The following FAAH2 variants were observed in gnomAD, a reference collection of about 807,000 sequenced individuals.
FAAH2 encodes the protein fatty-acid amide hydrolase 2.
In FAAH2, 60 loss-of-function variants were observed where a neutral mutation model predicts 36.9. The ratio of observed to expected loss-of-function variants is 1.63; its 90% CI spans 1.32 to 2.02. The LOEUF is 2.02. FAAH2 is among the 30% of genes most tolerant of loss of function. FAAH2 has a pLI of 0.00. For synonymous variants in FAAH2, 214 were observed against 143.8 expected (o/e 1.49, Z -3.49); for missense variants, 689 against 397.5 (o/e 1.73, Z -6.23).
intron 2 of FAAH2, among the ~76,000 whole-genome samples, chrX:57,303,560 G>T (rs1473865221): frequency 1.8e-5 from 2 of 111,771 alleles, no homozygotes; most frequent in Non-Finnish European, 3.8e-5. Context: ...AAATAACAAA[G>T]CATGTAGATT....
At chrX:57,403,188 C>T (rs759507076) in intron 7 of FAAH2, among the ~76,000 whole-genome samples, 1 of 111,875 alleles carries the variant, frequency 8.9e-6, no homozygotes, top group Non-Finnish European at 1.9e-5. Context: ...GGGAAGTTTC[C>T]CATCTGAAAA....
chrX:57,361,797 A>G (rs1374184170), intron 5 of FAAH2, among the ~76,000 whole-genome samples: 1 of 111,949 alleles, frequency 8.9e-6, no homozygotes, highest in African/African-American at 3.2e-5. Context: ...CTCAGATTGA[A>G]CAATTCCCTT....
chrX:57,444,365 G>A (rs2056628771), intron 8 of FAAH2, among the ~76,000 whole-genome samples: 1 of 112,170 alleles, frequency 8.9e-6, no homozygotes, highest in South Asian at 3.7e-4. Context: ...AGACTGCTGT[G>A]CTAGCAGTGA....
At chrX:57,215,889 C>A in the FAAH2 span, among the ~76,000 whole-genome samples, 3,084 of 88,978 alleles carry the variant, frequency 0.035, 115 homozygotes, top group African/African-American at 0.14. Flanking sequence ...TTGGGTACAG[C>A]AAACCACCAT....
chrX:57,459,931 C>T (rs952905358), intron 10 of FAAH2, among the ~76,000 whole-genome samples: 5 of 111,366 alleles, frequency 4.5e-5, no homozygotes, highest in African/African-American at 9.8e-5. Context: ...AACAAGAATG[C>T]CTCTTCTCCC....
At chrX:57,206,173 T>C in the FAAH2 span, among the ~76,000 whole-genome samples, 5 of 112,190 alleles carry the variant, frequency 4.5e-5, no homozygotes, top group African/African-American at 1.6e-4. Flanking sequence ...TGCCCAGGGC[T>C]AGTGAGACTA....
At chrX:57,310,029 A>T (rs1023646671) in intron 2 of FAAH2, among the ~76,000 whole-genome samples, 5 of 112,354 alleles carry the variant, frequency 4.5e-5, no homozygotes, top group African/African-American at 1.6e-4. Context: ...TGGTTGAACT[A>T]ATTTACATTC....
chrX:57,257,417 A>G, the FAAH2 span, among the ~76,000 whole-genome samples: 1 of 111,314 alleles, frequency 9.0e-6, no homozygotes, highest in Non-Finnish European at 1.9e-5. Context: ...GCTGGAAACC[A>G]TCATTCTCAG....
At chrX:57,174,507 T>C in the FAAH2 span, among the ~76,000 whole-genome samples, 2 of 112,053 alleles carry the variant, frequency 1.8e-5, no homozygotes, top group Non-Finnish European at 3.8e-5. Context: ...TAGCTAATGG[T>C]CTACCAATTT....
chrX:57,417,353 T>C (rs1448721757), intron 7 of FAAH2, among the ~76,000 whole-genome samples: 1 of 112,356 alleles, frequency 8.9e-6, no homozygotes, highest in Admixed American at 9.4e-5. Context: ...TTTTTCCTCA[T>C]CATCATGGAT....
chrX:57,151,775 G>C, the FAAH2 span, among the ~76,000 whole-genome samples: 1 of 111,554 alleles, frequency 9.0e-6, no homozygotes, highest in African/African-American at 3.3e-5. Context: ...GTCATTCTCC[G>C]TCCAGGTTTG....
At chrX:57,434,331 C>T (rs1240684887) in intron 8 of FAAH2, among the ~76,000 whole-genome samples, 3 of 109,563 alleles carry the variant, frequency 2.7e-5, no homozygotes, top group East Asian at 2.9e-4. Flanking sequence ...ATCATGCTGA[C>T]CCCTAAAGTG....
chrX:57,451,790 T>C (rs1018850837), intron 10 of FAAH2, among the ~76,000 whole-genome samples: 2 of 111,672 alleles, frequency 1.8e-5, no homozygotes, highest in African/African-American at 6.5e-5. Context: ...TGCTAAAAAC[T>C]GCAAAAAAAA....
At chrX:57,358,754 A>T (rs2054220476) in intron 5 of FAAH2, among the ~76,000 whole-genome samples, 2 of 111,526 alleles carry the variant, frequency 1.8e-5, no homozygotes, top group South Asian at 7.5e-4. Flanking sequence ...AGATTGCTGG[A>T]TCATGTGAAT....
chrX:57,129,646 T>C, the FAAH2 span, among the ~76,000 whole-genome samples: 1 of 112,668 alleles, frequency 8.9e-6, no homozygotes, highest in East Asian at 2.8e-4. Context: ...TTTTCCTTCA[T>C]ATGACAAAAT....
chrX:57,450,143 A>G (rs1274638313), intron 10 of FAAH2, among the ~76,000 whole-genome samples: 2 of 110,936 alleles, frequency 1.8e-5, no homozygotes, highest in Non-Finnish European at 3.8e-5. Context: ...GAGGCTTCCT[A>G]TGGTTTGTAA....
intron 5 of FAAH2, among the ~76,000 whole-genome samples, chrX:57,362,639 A>C (rs1288552694): frequency 9.0e-6 from 1 of 111,657 alleles, no homozygotes; most frequent in Non-Finnish European, 1.9e-5. Context: ...TTTTGTTGCA[A>C]CTGCTTTTGG....
At chrX:57,161,279 A>C in the FAAH2 span, among the ~76,000 whole-genome samples, 12 of 111,767 alleles carry the variant, frequency 1.1e-4, no homozygotes, top group Non-Finnish European at 2.3e-4. Context: ...TTTGCTTCCA[A>C]CTATGTGGTC....
intron 5 of FAAH2, among the ~76,000 whole-genome samples, chrX:57,356,538 TC>T (rs1434558882): frequency 1.4e-4 from 15 of 110,841 alleles, no homozygotes; most frequent in Non-Finnish European, 2.8e-4. Context: ...AATTTATTGA[TC>T]TATATTTTTT....
Sources: allele counts gnomAD v4.1 joint callset (sites outside exome capture counted in the v4.1 genomes callset), GRCh38; gene constraint gnomAD v4.1.1; transcripts MANE v1.5; gene names NCBI Gene and HGNC (gene_info 2026-07-23, HGNC 2026-07-21).